DPYS: variants seen among roughly 807,000 people sequenced by gnomAD.
DPYS encodes dihydropyrimidinase.
In DPYS, 39 loss-of-function variants were observed where a neutral mutation model predicts 50.3. The ratio of observed to expected loss-of-function variants is 0.78; its 90% CI spans 0.60 to 1.01. The LOEUF (loss-of-function observed/expected upper bound fraction) is 1.01, where lower values mean the gene tolerates loss of function less well. Among genes scored for constraint, DPYS ranks in the 50% least tolerant of loss-of-function variants. The pLI, the probability that DPYS is intolerant of heterozygous loss-of-function variation, is 0.00. For synonymous variants in DPYS, 245 were observed against 250.7 expected, an observed-to-expected ratio of 0.98 and a Z score of 0.22; for missense variants, 659 against 680.9, an observed-to-expected ratio of 0.97 and a Z score of 0.36.
chr8:104,459,925 T>C (rs1358399480), intron 1 of DPYS, among the ~76,000 whole-genome samples: 1 of 152,154 alleles, frequency 6.6e-6, no homozygotes, highest in Non-Finnish European at 1.5e-5. Context: ...TAAGAAGTTG[T>C]TTTTTTGTAA....
chr8:104,458,330 C>T (rs1445991006), intron 1 of DPYS, among the ~76,000 whole-genome samples: 1 of 152,162 alleles, frequency 6.6e-6, no homozygotes, highest in Non-Finnish European at 1.5e-5. Flanking sequence ...TTGAGCTATT[C>T]CCTCTCAACT....
intron 8 of DPYS, among the ~76,000 whole-genome samples, chr8:104,390,362 A>C (rs1811348557): frequency 6.6e-6 from 1 of 152,188 alleles, no homozygotes; most frequent in African/African-American, 2.4e-5. Flanking sequence ...AATGTTTATA[A>C]TTTACAGCAT....
chr8:104,444,958 G>C (rs183865050), intron 3 of DPYS, among the ~76,000 whole-genome samples: 1 of 152,158 alleles, frequency 6.6e-6, no homozygotes, highest in Non-Finnish European at 1.5e-5. Context: ...CAAAAGATTT[G>C]AATAGAGATT....
intron 8 of DPYS, among the ~76,000 whole-genome samples, chr8:104,381,819 G>C (rs181371553): frequency 6.7e-6 from 1 of 149,156 alleles, no homozygotes; most frequent in Non-Finnish European, 1.5e-5. Context: ...TGGATTCAGC[G>C]AGAGCTGTCA....
At chr8:104,388,009 A>G (rs1007716762) in intron 8 of DPYS, among the ~76,000 whole-genome samples, 1 of 152,224 alleles carries the variant, frequency 6.6e-6, no homozygotes, top group Non-Finnish European at 1.5e-5. Context: ...TTGTGAGCCA[A>G]AATGAGCCAA....
At chr8:104,442,303 C>T (rs1421960480) in intron 4 of DPYS, among the ~76,000 whole-genome samples, 1 of 152,312 alleles carries the variant, frequency 6.6e-6, no homozygotes, top group African/African-American at 2.4e-5. Context: ...GGAATTCTAT[C>T]CCAATGCAAA....
At position 104,466,764 on chromosome 8, in the gene DPYS, C is replaced by G; in HGVS notation, c.157G>C (p.Asp53His). 1 of 1,534,620 alleles carries G rather than the reference C, an allele frequency of 6.5e-7. No individual in the cohort carries two copies. Among genetic ancestry groups the G allele is most frequent in the Non-Finnish European group, 8.7e-7 (1 of 1,145,808 alleles). The change falls in exon 1 of 10, where the codon GAC becomes CAC. Residue 53 changes from aspartate (D) to histidine (H), a missense_variant. Transcript: ENST00000351513. ...GGCAGGACGAGCTTGCCGGCGGCGT[C>G]GAGGACCCGCAGCCCCGCAGGAGCG... ...GGAPAGLRVL[D>H]AAGKLVLPGG...
intron 1 of DPYS, among the ~76,000 whole-genome samples, chr8:104,463,875 C>T (rs1040995453): frequency 6.6e-6 from 1 of 152,144 alleles, no homozygotes; most frequent in African/African-American, 2.4e-5. Flanking sequence ...GCCTTTCTTT[C>T]AGAATTCAGG....
At chr8:104,445,820 C>A (rs1322670920) in intron 3 of DPYS, among the ~76,000 whole-genome samples, 2 of 152,044 alleles carry the variant, frequency 1.3e-5, no homozygotes, top group Non-Finnish European at 2.9e-5. Flanking sequence ...CTGAGGTGGG[C>A]AGATCACAAG....
chr8:104,444,138 G>T, intron 4 of DPYS, 110 bp downstream of exon 4: 2 of 1,200,104 alleles, frequency 1.7e-6, no homozygotes, highest in Non-Finnish European at 2.4e-6. Context: ...AGGAAGAAAA[G>T]TAGTGGAAAT....
chr8:104,434,500 C>A (rs1036106288), intron 4 of DPYS, among the ~76,000 whole-genome samples: 1 of 152,170 alleles, frequency 6.6e-6, no homozygotes, highest in African/African-American at 2.4e-5. Context: ...GGTTAAGGGG[C>A]CTTAGAATTT....
intron 7 of DPYS, among the ~76,000 whole-genome samples, chr8:104,397,668 A>G (rs570831575): frequency 6.6e-6 from 1 of 152,330 alleles, no homozygotes; most frequent in African/African-American, 2.4e-5. Flanking sequence ...ATACTTGGCA[A>G]TTTTAATATT....
At chr8:104,450,147 A>AAGGGAAGG (rs200426343) in intron 2 of DPYS, among the ~76,000 whole-genome samples, 6 of 68,016 alleles carry the variant, frequency 8.8e-5, no homozygotes, top group Admixed American at 4.2e-4. Context: ...GAAAAGAAAG[A>AAGGGAAGG]AGGAAGGGAG....
chr8:104,404,046 C>A (rs1476584261), intron 7 of DPYS, among the ~76,000 whole-genome samples: 1 of 152,158 alleles, frequency 6.6e-6, no homozygotes, highest in Non-Finnish European at 1.5e-5. Context: ...TTATAATAGG[C>A]ATAACAAATA....
intron 7 of DPYS, among the ~76,000 whole-genome samples, 165 bp from the exon 8 acceptor site, chr8:104,393,156 T>C (rs75804695): frequency 6.6e-6 from 1 of 152,196 alleles, no homozygotes; most frequent in Non-Finnish European, 1.5e-5. Flanking sequence ...AACATTAACA[T>C]TTCATTACAA....
At chr8:104,400,518 T>C (rs1317094645) in intron 7 of DPYS, among the ~76,000 whole-genome samples, 1 of 152,214 alleles carries the variant, frequency 6.6e-6, no homozygotes, top group Non-Finnish European at 1.5e-5. Context: ...AATGACTGAT[T>C]GGACAGCTAG....
intron 8 of DPYS, among the ~76,000 whole-genome samples, chr8:104,385,046 A>G (rs753131990): frequency 2.0e-5 from 3 of 152,140 alleles, no homozygotes; most frequent in Non-Finnish European, 2.9e-5. Context: ...TTTTAAATCT[A>G]TATGTTATGG....
chr8:104,454,123 C>T (rs145851999), intron 1 of DPYS, among the ~76,000 whole-genome samples: 112 of 152,062 alleles, frequency 7.4e-4, no homozygotes, highest in African/African-American at 2.5e-3. Flanking sequence ...TGGTGGCTGA[C>T]GCCTGTAATC....
At chr8:104,384,582 C>T (rs1043416285) in intron 8 of DPYS, among the ~76,000 whole-genome samples, 2 of 152,174 alleles carry the variant, frequency 1.3e-5, no homozygotes, top group Admixed American at 1.3e-4. Flanking sequence ...AACCTCTGTC[C>T]GAAGTAGGAA....
Sources: allele counts gnomAD v4.1 joint callset (sites outside exome capture counted in the v4.1 genomes callset), GRCh38; gene constraint gnomAD v4.1.1; transcripts MANE v1.5; gene names NCBI Gene and HGNC (gene_info 2026-07-23, HGNC 2026-07-21).